Variants in DNAH12 observed in about 807,000 individuals in gnomAD.
DNAH12 encodes the protein axonemal beta dynein heavy chain 12.
DNAH12 carries 285 observed loss-of-function variants against 371.5 expected under a neutral mutation model. The ratio of observed to expected loss-of-function variants is 0.77; its 90% CI spans 0.70 to 0.85. The LOEUF (loss-of-function observed/expected upper bound fraction) is 0.85. Ranked by LOEUF, DNAH12 falls within the 40% of genes least tolerant of loss-of-function variation. DNAH12 has a pLI of 0.00. For synonymous variants in DNAH12, 1,200 were observed against 1,213.0 expected (o/e 0.99, Z 0.22); for missense variants, 3,611 against 3,689.4 (o/e 0.98, Z 0.55).
At chr3:57,330,054 C>A (rs1328737539) in intron 62 of DNAH12, among the ~76,000 whole-genome samples, 3 of 151,684 alleles carry the variant, frequency 2.0e-5, no homozygotes, top group African/African-American at 7.3e-5. Flanking sequence ...ATTAAAAAGT[C>A]AGGAAACAAC....
chr3:57,461,468 T>G, intron 19 of DNAH12, 21 bp downstream of exon 19: 1 of 1,549,740 alleles, frequency 6.5e-7, no homozygotes, highest in Non-Finnish European at 8.7e-7. Context: ...GACCAAGAGC[T>G]GATTATCACA....
At chr3:57,406,242 G>A (rs930906476) in intron 40 of DNAH12, among the ~76,000 whole-genome samples, 3 of 151,182 alleles carry the variant, frequency 2.0e-5, no homozygotes, top group Non-Finnish European at 2.9e-5. Context: ...TCCCAGCTAC[G>A]CAGGAGGCTG....
At chr3:57,343,749 G>A (rs1478655609) in intron 60 of DNAH12, among the ~76,000 whole-genome samples, 2 of 152,122 alleles carry the variant, frequency 1.3e-5, no homozygotes, top group Admixed American at 6.6e-5. Flanking sequence ...TATAAAACCC[G>A]ATTGTACATT....
At chr3:57,410,760 G>C (rs1214058692) in intron 39 of DNAH12, among the ~76,000 whole-genome samples, 1 of 151,756 alleles carries the variant, frequency 6.6e-6, no homozygotes, top group Non-Finnish European at 1.5e-5. Context: ...AGGTTGTAGT[G>C]AGCCAAGATC....
chr3:57,428,452 A>G lies in DNAH12; in HGVS notation c.5253+181T>C, dbSNP rs766516987. Reference sequence around the variant, plus strand: ...GGTTGTATACAAATAGTTTAGCTGGAATAATTCAACCCCTGAGTTATGCAG... The same window carrying G: ...GGTTGTATACAAATAGTTTAGCTGGGATAATTCAACCCCTGAGTTATGCAG... On this transcript the variant is annotated intron_variant, in intron 34 of 73. Coordinates refer to ENST00000495027, the MANE Select transcript of DNAH12 (RefSeq NM_001366028.2). 15 of 1,531,858 alleles carry G rather than the reference A, an allele frequency of 9.8e-6. No homozygotes were observed. The South Asian group carries it at 1.6e-4, about 17-fold the overall frequency. 94.9% of individuals were successfully genotyped at this position (1,531,858 alleles called of 1,614,324 possible).
At chr3:57,509,861 TAA>T (rs902155403) in intron 5 of DNAH12, among the ~76,000 whole-genome samples, 32 of 46,540 alleles carry the variant, frequency 6.9e-4, no homozygotes, top group African/African-American at 1.8e-3. Context: ...GACTCCATCA[TAA>T]AAAAAAAAAA....
chr3:57,543,713 T>C (rs968473149), intron 1 of DNAH12, among the ~76,000 whole-genome samples: 5 of 151,242 alleles, frequency 3.3e-5, no homozygotes, highest in Non-Finnish European at 1.5e-5. Context: ...TAGGCATACT[T>C]GATGCATGGC....
At chr3:57,321,302 A>C (rs1472351433) in intron 65 of DNAH12, among the ~76,000 whole-genome samples, 1 of 152,192 alleles carries the variant, frequency 6.6e-6, no homozygotes, top group African/African-American at 2.4e-5. Context: ...TAGGGTACAC[A>C]GAAAGTGTCA....
At chr3:57,416,383 G>C (rs2064376718) in intron 37 of DNAH12, among the ~76,000 whole-genome samples, 1 of 152,122 alleles carries the variant, frequency 6.6e-6, no homozygotes, top group African/African-American at 2.4e-5. Context: ...GGAGCCACTG[G>C]GACCAGCCTT....
chr3:57,353,655 CTG>C, intron 59 of DNAH12, among the ~76,000 whole-genome samples: 1 of 152,228 alleles, frequency 6.6e-6, no homozygotes, highest in East Asian at 1.9e-4. Flanking sequence ...TATCCAAAAT[CTG>C]TAAGGAATTT....
In DNAH12 at chr3:57,419,376, G is replaced by C; in HGVS notation, c.5705C>G (p.Thr1902Ser). The C allele has an allele frequency of 6.7e-7, 1 of 1,498,422 alleles. No homozygotes were observed. The highest frequency in any genetic ancestry group is 8.8e-7 in the Non-Finnish European group (1 of 1,130,520). 92.8% of individuals were successfully genotyped at this position (1,498,422 alleles called of 1,614,324 possible). A position where few individuals can be genotyped will look rare whatever the true frequency, so the allele number is the denominator to read the frequency against. The change falls in exon 37 of 74, where the codon ACC becomes AGC. Residue 1902 changes from threonine (T) to serine (S), a missense_variant. Transcript: ENST00000495027. ...TAGCAGAGTTCCTTACTTTGCATAG[G>C]TAATACTCAAATCCATTAGAAACGT... is the stretch of plus-strand genomic sequence containing the variant. Reference protein sequence around the residue: ...RYTFLMDLSITYAKPLLFVGP... With the variant: ...RYTFLMDLSISYAKPLLFVGP...
chr3:57,457,431 TCA>T (rs2153375907), intron 22 of DNAH12, among the ~76,000 whole-genome samples: 1 of 152,300 alleles, frequency 6.6e-6, no homozygotes, highest in East Asian at 1.9e-4. Context: ...CCTTTGTGTC[TCA>T]GTTTCAACAT....
At position 57,445,254 on chromosome 3, in the gene DNAH12, C is replaced by T; in HGVS notation, c.4345G>A (p.Gly1449Arg). Residue 1449 changes from glycine (G) to arginine (R), a missense_variant, in exon 28 of 74, where the codon GGA becomes AGA. Physicochemically the swap from Gly to Arg is moderately radical, Grantham distance 125. Around this residue, in one of 3 missense-constraint regions of DNAH12, gnomAD observed 2,266 missense variants for 2,236.9 expected, o/e 1.01. Transcript: ENST00000495027. ...AAAACGGCTTTTACTGCTCGCATTC[C>T]ATAGTCGTAATGAAATTGCGATGAG... is the stretch of plus-strand genomic sequence containing the variant. ...QLSSQFHYDY[G>R]MRAVKAVLVA... The T allele has an allele frequency of 6.4e-7, 1 of 1,551,294 alleles. No individual in the cohort carries two copies. Among genetic ancestry groups the T allele is most frequent in the Admixed American group, 2.0e-5 (1 of 50,982 alleles).
At chr3:57,393,940 GAAAC>G (rs2063685542) in intron 44 of DNAH12, among the ~76,000 whole-genome samples, 1 of 151,980 alleles carries the variant, frequency 6.6e-6, no homozygotes, top group African/African-American at 2.4e-5. Flanking sequence ...TTAAACAGGT[GAAAC>G]AAACTGCCAT....
At chr3:57,462,469 C>T (rs1316728865) in intron 18 of DNAH12, among the ~76,000 whole-genome samples, 2 of 151,986 alleles carry the variant, frequency 1.3e-5, no homozygotes, top group Non-Finnish European at 2.9e-5. Flanking sequence ...CCAGGCTGGT[C>T]TCAAACTCCT....
At chr3:57,323,650 G>A (rs2061861935) in intron 62 of DNAH12, 31 bp from the exon 63 acceptor site, 1 of 1,481,990 alleles carries the variant, frequency 6.7e-7, no homozygotes, top group Non-Finnish European at 8.9e-7. Flanking sequence ...GATCTTTAGA[G>A]CAACTTTTAT....
intron 59 of DNAH12, among the ~76,000 whole-genome samples, chr3:57,356,484 T>TAAAG (rs1396900640): frequency 7.0e-5 from 10 of 142,650 alleles, no homozygotes; most frequent in African/African-American, 2.5e-4. Flanking sequence ...AATAAATAAA[T>TAAAG]AAATAAAATA....
At chr3:57,489,440 CAA>C (rs2067040718) in intron 12 of DNAH12, 67 bp downstream of exon 12, 2 of 1,388,450 alleles carry the variant, frequency 1.4e-6, no homozygotes, top group African/African-American at 1.5e-5. Context: ...TGTTTTTAAA[CAA>C]GAGTTACTTT....
chr3:57,506,592 C>T (rs1015178519), intron 8 of DNAH12, among the ~76,000 whole-genome samples: 2 of 152,066 alleles, frequency 1.3e-5, no homozygotes, highest in Non-Finnish European at 2.9e-5. Context: ...CAAGCATATG[C>T]CACCACACCT....
Sources: gnomAD v4.1 joint callset for allele counts (sites outside exome capture counted in the v4.1 genomes callset) on GRCh38, gnomAD v4.1.1 for gene constraint, gnomAD v4.1.1 regional missense constraint, MANE v1.5 for transcripts, NCBI Gene and HGNC (gene_info 2026-07-23, HGNC 2026-07-21) for gene names.